NEK1: variants seen among roughly 807,000 people sequenced by gnomAD.
The protein encoded by NEK1 is NIMA related kinase 1.
A neutral mutation model predicts 182.1 loss-of-function variants in NEK1; 137 were observed. The observed-to-expected ratio is 0.75, with a 90% confidence interval of 0.65 to 0.87. The LOEUF is 0.87. Ranked by LOEUF, NEK1 falls within the 40% of genes least tolerant of loss-of-function variation. The pLI is 0.00. For synonymous variants in NEK1, 513 were observed against 492.2 expected (o/e 1.04, Z -0.56); for missense variants, 1,391 against 1,494.4 (o/e 0.93, Z 1.14).
chr4:169,511,933 A>T (rs1366284216), intron 19 of NEK1, among the ~76,000 whole-genome samples: 1 of 152,176 alleles, frequency 6.6e-6, no homozygotes, highest in Non-Finnish European at 1.5e-5. Flanking sequence ...GCAATGCATC[A>T]ATAGTTCATT....
At chr4:169,472,100 T>A (rs1746086121) in intron 26 of NEK1, among the ~76,000 whole-genome samples, 1 of 151,588 alleles carries the variant, frequency 6.6e-6, no homozygotes, top group South Asian at 2.1e-4. Context: ...TGGCTTCAGC[T>A]CCCTTTCCAG....
rs530871835 is a variant in NEK1 at position 169,532,871 on chromosome 4, G to T, written c.1665+4938C>A. ...GGAGGCTGAGGTGGAAGAATCAACC[G>T]AGATTGTGCCACTGCACTCCAGTCA... On this transcript the variant is annotated intron_variant, in intron 19 of 35. Coordinates refer to ENST00000507142, the MANE Select transcript of NEK1 (RefSeq NM_001199397.3). Among the ~76,000 whole-genome samples the T allele has an allele frequency of 6.6e-5, 10 of 152,016 alleles. No individual in the cohort carries two copies. In the South Asian group the frequency reaches 1.5e-3, roughly 22 times the overall value.
chr4:169,549,171 T>C (rs560486845), intron 18 of NEK1, among the ~76,000 whole-genome samples: 116 of 152,156 alleles, frequency 7.6e-4, no homozygotes, highest in African/African-American at 2.6e-3. Flanking sequence ...TGGGCCAGAG[T>C]GCACGGTACA....
intron 12 of NEK1, among the ~76,000 whole-genome samples, chr4:169,564,731 C>T (rs60121932): frequency 0.089 from 13,539 of 152,110 alleles, 795 homozygotes; most frequent in African/African-American, 0.16. Context: ...TATTTTACTT[C>T]AATGAATATA....
intron 16 of NEK1, among the ~76,000 whole-genome samples, chr4:169,556,951 A>G (rs768720184): frequency 6.6e-6 from 1 of 152,196 alleles, no homozygotes; most frequent in Non-Finnish European, 1.5e-5. Context: ...CAAAGTATTA[A>G]GTATTAAGTT....
intron 32 of NEK1, among the ~76,000 whole-genome samples, chr4:169,405,336 A>G (rs1732411834): frequency 6.6e-6 from 1 of 152,194 alleles, no homozygotes; most frequent in African/African-American, 2.4e-5. Context: ...TATTCTAAAT[A>G]TATCTAAACA....
At chr4:169,534,529 C>T (rs1369933478) in intron 19 of NEK1, among the ~76,000 whole-genome samples, 1 of 152,204 alleles carries the variant, frequency 6.6e-6, no homozygotes, top group Non-Finnish European at 1.5e-5. Context: ...TGCTAAATGA[C>T]AAACAGCATA....
At chr4:169,433,308 C>T (rs1737775520) in intron 29 of NEK1, among the ~76,000 whole-genome samples, 1 of 152,236 alleles carries the variant, frequency 6.6e-6, no homozygotes, top group Non-Finnish European at 1.5e-5. Context: ...GATCTGCCCG[C>T]CTCAGTCTCC....
chr4:169,505,138 A>G (rs1753034398), intron 23 of NEK1, among the ~76,000 whole-genome samples: 1 of 152,130 alleles, frequency 6.6e-6, no homozygotes, highest in South Asian at 2.1e-4. Context: ...TTCTGCCCTT[A>G]GTTGGAAATA....
chr4:169,433,761 G>A lies in NEK1; in HGVS notation c.2765-96C>T, dbSNP rs574652231. Reference sequence around the variant, plus strand: ...TATAAATTATTGCTACCTAGTTTTAGGGTAATATATTCATTAAAACAGAAA... The same window carrying A: ...TATAAATTATTGCTACCTAGTTTTAAGGTAATATATTCATTAAAACAGAAA... On this transcript the variant is annotated intron_variant, in intron 28 of 35. Coordinates refer to ENST00000507142, the MANE Select transcript of NEK1 (RefSeq NM_001199397.3). 4 of 1,231,444 alleles carry A rather than the reference G, an allele frequency of 3.2e-6. No individual in the cohort carries two copies. The South Asian group carries it at 4.2e-5, about 13-fold the overall frequency. The allele number at this position is 1,231,444 out of a possible 1,614,324, so 76.3% of individuals were successfully genotyped here.
intron 23 of NEK1, among the ~76,000 whole-genome samples, chr4:169,495,425 GTA>G (rs1390164513): frequency 1.3e-5 from 2 of 151,788 alleles, no homozygotes; most frequent in African/African-American, 2.4e-5. Context: ...TGTATTTTTA[GTA>G]GAGACGGGGT....
chr4:169,430,137 A>T (rs933215408), intron 29 of NEK1, among the ~76,000 whole-genome samples: 8 of 152,180 alleles, frequency 5.3e-5, no homozygotes, highest in South Asian at 2.1e-4. Flanking sequence ...AAAATGATTT[A>T]AAAAATAGAA....
chr4:169,543,705 C>T (rs777950471), intron 18 of NEK1, among the ~76,000 whole-genome samples: 5 of 152,132 alleles, frequency 3.3e-5, no homozygotes, highest in Non-Finnish European at 7.4e-5. Context: ...CCTTCACATA[C>T]CTTGTAAGTT....
intron 23 of NEK1, among the ~76,000 whole-genome samples, chr4:169,505,029 TA>T (rs879608728): frequency 1.8e-4 from 27 of 148,074 alleles, no homozygotes; most frequent in African/African-American, 5.3e-4. Flanking sequence ...AAATTAAAAG[TA>T]AAAAAAAAAT....
At position 169,588,293 on chromosome 4, in the gene NEK1, T is replaced by C. The variant is rs576184518; in HGVS notation, c.551+356A>G. 5.3e-4 allele frequency among the ~76,000 whole-genome samples: 80 copies of C among 152,224 alleles called. 2 individuals are homozygous for C. Among genetic ancestry groups the C allele is most frequent in the Non-Finnish European group, 1.3e-4 (9 of 67,962 alleles). On this transcript the variant is annotated intron_variant, in intron 8 of 35. Coordinates refer to ENST00000507142, the MANE Select transcript of NEK1 (RefSeq NM_001199397.3). ...TTAATACCTACATCTCCCAAAATTA[T>C]TGTGAAGACTAAGAGAATACCTAGA...
At chr4:169,495,778 C>T (rs1479621339) in intron 23 of NEK1, among the ~76,000 whole-genome samples, 1 of 152,144 alleles carries the variant, frequency 6.6e-6, no homozygotes, top group African/African-American at 2.4e-5. Context: ...GCTTTGGTAC[C>T]AGTACCATGC....
chr4:169,446,226 A>T (rs957682340), intron 27 of NEK1, among the ~76,000 whole-genome samples: 1 of 152,122 alleles, frequency 6.6e-6, no homozygotes, highest in Non-Finnish European at 1.5e-5. Flanking sequence ...AACAGACACT[A>T]AAAAAATCAA....
intron 12 of NEK1, among the ~76,000 whole-genome samples, chr4:169,573,849 T>C (rs10027897): frequency 0.089 from 13,582 of 152,166 alleles, 796 homozygotes; most frequent in African/African-American, 0.16. Flanking sequence ...GGAGACAAGA[T>C]ATTTGAAAGA....
intron 20 of NEK1, among the ~76,000 whole-genome samples, chr4:169,508,547 A>G (rs1249175432): frequency 1.3e-5 from 2 of 152,178 alleles, no homozygotes; most frequent in Non-Finnish European, 2.9e-5. Flanking sequence ...TAAAATTACA[A>G]ATTTTTAATT....
Sources: gnomAD v4.1 joint callset for allele counts (sites outside exome capture counted in the v4.1 genomes callset) on GRCh38, gnomAD v4.1.1 for gene constraint, MANE v1.5 for transcripts, NCBI Gene and HGNC (gene_info 2026-07-23, HGNC 2026-07-21) for gene names.